GULP1: variants seen among roughly 807,000 people sequenced by gnomAD.
GULP1 encodes the protein GULP PTB domain containing engulfment adaptor 1.
A neutral mutation model predicts 40.9 loss-of-function variants in GULP1; 19 were observed. The ratio of observed to expected loss-of-function variants is 0.46; its 90% CI spans 0.32 to 0.68. GULP1 has a LOEUF of 0.68. Ranked by LOEUF, GULP1 falls within the 30% of genes least tolerant of loss-of-function variation. GULP1 has a pLI of 0.03. For synonymous variants in GULP1, 119 were observed against 117.6 expected (o/e 1.01, Z -0.08); for missense variants, 312 against 362.2 (o/e 0.86, Z 1.12).
chr2:188,294,908 C>A (rs188656086), intron 1 of GULP1, among the ~76,000 whole-genome samples: 1 of 152,130 alleles, frequency 6.6e-6, no homozygotes, highest in Non-Finnish European at 1.5e-5. Context: ...ATGTTGAATA[C>A]CCATGTAATA....
intron 7 of GULP1, among the ~76,000 whole-genome samples, chr2:188,549,556 A>G (rs956266529): frequency 6.6e-6 from 1 of 151,896 alleles, no homozygotes; most frequent in Non-Finnish European, 1.5e-5. Context: ...ATAAAATGGT[A>G]TGGCCATTCA....
intron 1 of GULP1, among the ~76,000 whole-genome samples, chr2:188,331,742 A>T (rs1164168193): frequency 6.6e-6 from 1 of 152,156 alleles, no homozygotes; most frequent in East Asian, 1.9e-4. Flanking sequence ...TCAATGCTTG[A>T]TTATTTCTGA....
intron 1 of GULP1, among the ~76,000 whole-genome samples, chr2:188,325,977 T>G (rs4396679): frequency 0.6 from 91,137 of 151,982 alleles, 27,906 homozygotes; most frequent in East Asian, 0.9. Context: ...AGTAATATAT[T>G]TTCCGTATCC....
intron 4 of GULP1, among the ~76,000 whole-genome samples, chr2:188,511,837 A>T (rs1409762819): frequency 6.6e-6 from 1 of 152,186 alleles, no homozygotes; most frequent in African/African-American, 2.4e-5. Context: ...ATATTTTAAA[A>T]ATTTTCTATC....
At chr2:188,501,228 T>C (rs905141831) in intron 4 of GULP1, among the ~76,000 whole-genome samples, 14 of 151,936 alleles carry the variant, frequency 9.2e-5, no homozygotes, top group Middle Eastern at 6.8e-3. Flanking sequence ...TGGGGGCAGT[T>C]TCCCCCATGC....
chr2:188,347,207 A>G (rs927832135), intron 1 of GULP1, among the ~76,000 whole-genome samples: 11 of 152,300 alleles, frequency 7.2e-5, no homozygotes, highest in Non-Finnish European at 1.6e-4. Flanking sequence ...TCTATGCTGT[A>G]GAATTTATTA....
intron 2 of GULP1, among the ~76,000 whole-genome samples, chr2:188,416,229 TTTC>T (rs1167662605): frequency 1.3e-5 from 2 of 152,150 alleles, no homozygotes; most frequent in Non-Finnish European, 1.5e-5. Flanking sequence ...CCCACACTAC[TTTC>T]TTCTTTTTTC....
intron 1 of GULP1, among the ~76,000 whole-genome samples, chr2:188,346,159 T>C (rs1373438372): frequency 6.6e-6 from 1 of 152,218 alleles, no homozygotes; most frequent in African/African-American, 2.4e-5. Flanking sequence ...TTACAGGCTG[T>C]AGTCCTAAGC....
chr2:188,431,418 AG>A (rs1459449988), intron 2 of GULP1, among the ~76,000 whole-genome samples: 1 of 152,178 alleles, frequency 6.6e-6, no homozygotes, highest in Non-Finnish European at 1.5e-5. Flanking sequence ...GACAGTTGAA[AG>A]CAGCAGGGTA....
chr2:188,443,189 TG>T (rs1343159102), intron 2 of GULP1, among the ~76,000 whole-genome samples: 1 of 136,878 alleles, frequency 7.3e-6, no homozygotes, highest in Non-Finnish European at 1.6e-5. Flanking sequence ...AAGCGGGCTG[TG>T]GGGGTGGGGG....
intron 6 of GULP1, among the ~76,000 whole-genome samples, chr2:188,532,971 A>G (rs1019437897): frequency 2.6e-5 from 4 of 152,114 alleles, no homozygotes; most frequent in Admixed American, 6.6e-5. Flanking sequence ...TAAAGACTTA[A>G]TCAACAAGTT....
At chr2:188,307,216 A>G (rs6705869) in intron 1 of GULP1, among the ~76,000 whole-genome samples, 4 of 152,166 alleles carry the variant, frequency 2.6e-5, no homozygotes, top group African/African-American at 9.7e-5. Context: ...TGATTAACAA[A>G]TATGATATTT....
At chr2:188,459,676 G>A (rs2059547193) in intron 2 of GULP1, among the ~76,000 whole-genome samples, 1 of 151,974 alleles carries the variant, frequency 6.6e-6, no homozygotes, top group Non-Finnish European at 1.5e-5. Context: ...CATTTTGCTT[G>A]GGTTGCCTGT....
chr2:188,488,445 G>A (rs534492698), intron 4 of GULP1, among the ~76,000 whole-genome samples: 68 of 152,108 alleles, frequency 4.5e-4, no homozygotes, highest in Non-Finnish European at 7.9e-4. Context: ...TTAAAACTTA[G>A]ATCAGTGTTT....
chr2:188,464,210 C>G (rs998540267), intron 2 of GULP1, among the ~76,000 whole-genome samples: 3 of 152,178 alleles, frequency 2.0e-5, no homozygotes, highest in African/African-American at 4.8e-5. Context: ...TAAGCTGTAT[C>G]TTCCTTATGG....
At chr2:188,351,849 A>G (rs1300586994) in intron 1 of GULP1, among the ~76,000 whole-genome samples, 2 of 152,184 alleles carry the variant, frequency 1.3e-5, no homozygotes, top group Non-Finnish European at 2.9e-5. Context: ...TCATTTATTC[A>G]GTAAATATTT....
At chr2:188,458,649 C>T (rs550061241) in intron 2 of GULP1, among the ~76,000 whole-genome samples, 1 of 152,198 alleles carries the variant, frequency 6.6e-6, no homozygotes, top group South Asian at 2.1e-4. Context: ...GCTATCCATC[C>T]CTTCAAGCAT....
intron 4 of GULP1, chr2:188,491,373 A>G (rs778886118): frequency 1.3e-5 from 2 of 152,146 alleles, no homozygotes; most frequent in Non-Finnish European, 2.9e-5. Flanking sequence ...TAAAATCAGC[A>G]TAAAAGAAAA....
At position 188,345,050 on chromosome 2, in the gene GULP1, T is replaced by G. The variant is rs1445729916; in HGVS notation, c.-171-38713T>G. Among the ~76,000 whole-genome samples the G allele has an allele frequency of 2.0e-5, 3 of 152,234 alleles. No homozygotes were observed. In the East Asian group the frequency reaches 5.8e-4, roughly 29 times the overall value. On this transcript the variant is annotated intron_variant, in intron 1 of 11. Transcript: ENST00000409830. ...GGGCAATTCTTATAAATATCTGCCTTCTTTAAAACCTCAGAGTATGTACTT... is the reference window on the plus strand; with the variant it reads ...GGGCAATTCTTATAAATATCTGCCTGCTTTAAAACCTCAGAGTATGTACTT...
Sources: allele counts gnomAD v4.1 joint callset (sites outside exome capture counted in the v4.1 genomes callset), GRCh38; gene constraint gnomAD v4.1.1; transcripts MANE v1.5; gene names NCBI Gene and HGNC (gene_info 2026-07-23, HGNC 2026-07-21).